Variants in FRMD4B observed in about 807,000 individuals in gnomAD.
The protein encoded by FRMD4B is FERM domain containing 4B, also known as FERM domain-containing protein 4B.
Under a neutral mutation model 141.5 loss-of-function variants are expected in FRMD4B, and 74 were observed. That is an observed-to-expected ratio of 0.52 (90% CI 0.43 to 0.63). The LOEUF is 0.63. Ranked by LOEUF, FRMD4B falls within the 30% of genes least tolerant of loss-of-function variation. The probability of loss-of-function intolerance (pLI) is 0.00; values close to 1 mark genes in which losing one functional copy is unlikely to be tolerated. For missense variants in FRMD4B, 1,366 were observed against 1,253.4 expected (o/e 1.09, Z -1.36); for synonymous variants, 506 against 467.9 (o/e 1.08, Z -1.05).
At chr3:69,248,433 G>C (rs2093439770) in intron 7 of FRMD4B, among the ~76,000 whole-genome samples, 1 of 152,184 alleles carries the variant, frequency 6.6e-6, no homozygotes, top group Non-Finnish European at 1.5e-5. Context: ...AGTTTTCAAG[G>C]TTGGAAGGCA....
chr3:69,213,368 G>C (rs1439734935), intron 11 of FRMD4B, among the ~76,000 whole-genome samples: 1 of 110,690 alleles, frequency 9.0e-6, no homozygotes, highest in Non-Finnish European at 1.8e-5. Context: ...CTTACTCTGG[G>C]TAAAAAAAAA....
In FRMD4B at chr3:69,170,382, T is replaced by C. The variant is rs1458826262; in HGVS notation, c.*1479A>G. 6.8e-6 allele frequency: 1 copy of C among 146,256 alleles called. No homozygotes were observed. The highest frequency in any genetic ancestry group is 2.5e-5 in the African/African-American group (1 of 40,114). 9.1% of individuals were successfully genotyped at this position (146,256 alleles called of 1,614,324 possible). A position where few individuals can be genotyped will look rare whatever the true frequency, so the allele number is the denominator to read the frequency against. On this transcript the variant is annotated 3_prime_UTR_variant, in exon 23 of 23. Coordinates refer to ENST00000398540, the MANE Select transcript of FRMD4B (RefSeq NM_015123.3). ...TTCTGATTCTAGAAGGCTATACAAA[T>C]ATGCAAAAAAGGAATAAGTTATTTT...
intron 1 of FRMD4B, among the ~76,000 whole-genome samples, chr3:69,365,612 C>T (rs1703617871): frequency 1.3e-5 from 2 of 152,080 alleles, no homozygotes; most frequent in South Asian, 4.2e-4. Flanking sequence ...AGCAATTCTC[C>T]TGCCTTAGCC....
At chr3:69,229,252 C>T (rs2093283495) in intron 7 of FRMD4B, among the ~76,000 whole-genome samples, 1 of 152,040 alleles carries the variant, frequency 6.6e-6, no homozygotes, top group Admixed American at 6.6e-5. Flanking sequence ...TCTCAAACTC[C>T]TGGCCTCCAG....
At chr3:69,346,761 C>T (rs1702957567) in intron 1 of FRMD4B, among the ~76,000 whole-genome samples, 1 of 152,108 alleles carries the variant, frequency 6.6e-6, no homozygotes, top group Admixed American at 6.6e-5. Flanking sequence ...AAATAAAATC[C>T]TTTACAGACA....
chr3:69,206,988 T>C (rs900651530), intron 11 of FRMD4B, among the ~76,000 whole-genome samples: 2 of 152,110 alleles, frequency 1.3e-5, no homozygotes, highest in Non-Finnish European at 2.9e-5. Flanking sequence ...AACCAGCCAA[T>C]CATTGGTCAC....
chr3:69,308,449 T>G (rs1245932972), intron 3 of FRMD4B, among the ~76,000 whole-genome samples: 3 of 144,428 alleles, frequency 2.1e-5, no homozygotes, highest in African/African-American at 5.4e-5. Flanking sequence ...TTTTTTTTTT[T>G]TTGTTTGGGA....
chr3:69,169,375 T>TA lies in FRMD4B; in HGVS notation c.*2485_*2486insT, dbSNP rs1553691449. Among the ~76,000 whole-genome samples the TA allele has an allele frequency of 7.2e-5, 9 of 124,590 alleles. No homozygotes were observed. The highest frequency in any genetic ancestry group is 2.3e-4 in the East Asian group (1 of 4,416). The allele number at this position is 124,590 out of a possible 152,430, so 81.7% of individuals were successfully genotyped here. A position where few individuals can be genotyped will look rare whatever the true frequency, so the allele number is the denominator to read the frequency against. On this transcript the variant is annotated 3_prime_UTR_variant, in exon 23 of 23. Coordinates refer to ENST00000398540, the MANE Select transcript of FRMD4B (RefSeq NM_015123.3). Reference sequence around the variant, plus strand: ...TTTCTTTTTTTTTTTTTTTTTTTTTTCTTGAGACAAGGTCTGTTATTGCCT... The same window carrying TA: ...TTTCTTTTTTTTTTTTTTTTTTTTTTACTTGAGACAAGGTCTGTTATTGCCT...
At chr3:69,225,686 CTCCG>C (rs368569046) in intron 7 of FRMD4B, among the ~76,000 whole-genome samples, 1,419 of 64,538 alleles carry the variant, frequency 0.022, 18 homozygotes, top group Admixed American at 0.029. Context: ...CAGAGCAAGA[CTCCG>C]TCTCAAAAAA....
intron 1 of FRMD4B, chr3:69,472,372 C>T: frequency 2.0e-6 from 1 of 494,798 alleles, no homozygotes; most frequent in Non-Finnish European, 4.1e-6. Flanking sequence ...TCTTCAACAT[C>T]TCCACCCTCA....
intron 1 of FRMD4B, among the ~76,000 whole-genome samples, chr3:69,328,595 G>A (rs565632580): frequency 1.3e-5 from 2 of 152,138 alleles, no homozygotes; most frequent in African/African-American, 2.4e-5. Context: ...AGGTCATAAA[G>A]ACTCAGCTGA....
chr3:69,230,856 A>C (rs2093299722), intron 7 of FRMD4B, among the ~76,000 whole-genome samples: 1 of 152,246 alleles, frequency 6.6e-6, no homozygotes. Flanking sequence ...ATAGAATACC[A>C]CGCAGCAAAG....
In FRMD4B at chr3:69,323,996, C is replaced by G. The variant is rs181532564; in HGVS notation, c.163-10479G>C. Among the ~76,000 whole-genome samples, 261 of 152,198 alleles carry G rather than the reference C, an allele frequency of 1.7e-3. 3 individuals carry two copies. Among genetic ancestry groups the G allele is most frequent in the Admixed American group, 0.015 (223 of 15,284 alleles). ...CTCACCAAACCAGAGTTGGCTGGTT[C>G]AGGCCACTGTCTCGAAGCAAGGCCA... On this transcript the variant is annotated intron_variant, in intron 1 of 22. Coordinates refer to ENST00000398540, the MANE Select transcript of FRMD4B (RefSeq NM_015123.3).
intron 2 of FRMD4B, among the ~76,000 whole-genome samples, chr3:69,426,488 G>A (rs1705079876): frequency 6.6e-6 from 1 of 152,170 alleles, no homozygotes; most frequent in African/African-American, 2.4e-5. Flanking sequence ...CCTGCCTGGA[G>A]CCCTGTTTCA....
At chr3:69,250,636 G>A (rs937744365) in intron 5 of FRMD4B, among the ~76,000 whole-genome samples, 1 of 151,854 alleles carries the variant, frequency 6.6e-6, no homozygotes, top group Non-Finnish European at 1.5e-5. Flanking sequence ...AAAATGTGAG[G>A]CCTTAAAAAT....
rs2107171000 is a variant in FRMD4B, at chr3:69,536,705, T to G, written c.-129+5501A>C. 4.4e-6 allele frequency: 3 copies of G among 681,468 alleles called. No individual in the cohort carries two copies. In the East Asian group the frequency reaches 8.5e-5, roughly 19 times the overall value. The allele number at this position is 681,468 out of a possible 1,614,324, so 42.2% of individuals were successfully genotyped here. ...TCCCAGGAGGGGAGGCATCAGTAGT[T>G]TTATCCTTCAGTTATGGTAAGGACT... On this transcript the variant is annotated intron_variant, in intron 1 of 5. Coordinates refer to the FRMD4B transcript ENST00000459638.
chr3:69,295,035 G>A (rs1165026318), intron 4 of FRMD4B, among the ~76,000 whole-genome samples: 1 of 152,226 alleles, frequency 6.6e-6, no homozygotes, highest in Non-Finnish European at 1.5e-5. Context: ...ACATGTGGTT[G>A]AGGCAGCCTG....
intron 1 of FRMD4B, among the ~76,000 whole-genome samples, chr3:69,454,161 C>T (rs1705546218): frequency 6.6e-6 from 1 of 152,218 alleles, no homozygotes; most frequent in South Asian, 2.1e-4. Context: ...TCTGAGTGGG[C>T]TGTAATTTCT....
intron 3 of FRMD4B, among the ~76,000 whole-genome samples, chr3:69,304,358 C>T (rs2107180848): frequency 6.6e-6 from 1 of 151,772 alleles, no homozygotes; most frequent in South Asian, 2.1e-4. Flanking sequence ...GTGGCGGGTG[C>T]CTCTAATCCC....
Sources: gnomAD v4.1 joint callset for allele counts (sites outside exome capture counted in the v4.1 genomes callset) on GRCh38, gnomAD v4.1.1 for gene constraint, MANE v1.5 for transcripts, NCBI Gene and HGNC (gene_info 2026-07-23, HGNC 2026-07-21) for gene names.